SLC30A7: variants seen among roughly 807,000 people sequenced by gnomAD.
SLC30A7 encodes the protein zinc transporter 7.
Under a neutral mutation model 46.0 loss-of-function variants are expected in SLC30A7, and 35 were observed. That is an observed-to-expected ratio of 0.76 (90% confidence interval 0.58 to 1.01). The LOEUF is 1.01. Among genes scored for constraint, SLC30A7 ranks in the 50% least tolerant of loss-of-function variants. SLC30A7 has a pLI of 0.00. For synonymous variants in SLC30A7, 147 were observed against 157.8 expected, an observed-to-expected ratio of 0.93 and a Z score of 0.51; for missense variants, 464 against 451.1, an observed-to-expected ratio of 1.03 and a Z score of -0.26.
chr1:100,912,206 A>G lies in SLC30A7; in HGVS notation c.479A>G (p.Lys160Arg). The G allele has an allele frequency of 6.2e-7, 1 of 1,614,066 alleles. No homozygotes were observed. Among genetic ancestry groups the G allele is most frequent in the Non-Finnish European group, 8.5e-7 (1 of 1,179,936 alleles). Residue 160 changes from lysine (K) to arginine (R), a missense_variant, in exon 5 of 11, where the codon AAA (lysine) becomes AGA (arginine). By Grantham distance (26) the Lys-to-Arg change is conservative (BLOSUM62 2). Transcript: ENST00000357650. Reference protein sequence around the residue: ...VVNLIGIFVFKHGGHGHSHGS... With the variant: ...VVNLIGIFVFRHGGHGHSHGS... ...AACCTAATAGGAATATTTGTTTTCA[A>G]ACATGGAGGTCATGGACATTCTCAT...
chr1:100,901,007 A>AG (rs1163698566), intron 2 of SLC30A7, among the ~76,000 whole-genome samples: 8 of 152,186 alleles, frequency 5.3e-5, no homozygotes, highest in Non-Finnish European at 1.2e-4. Flanking sequence ...ATCTTATTTC[A>AG]TCTGTTGTCC....
At chr1:100,982,826 T>A (rs1657026831), downstream of SLC30A7, among the ~76,000 whole-genome samples, 1 of 152,174 alleles carries the variant, frequency 6.6e-6, no homozygotes, top group South Asian at 2.1e-4. Context: ...AGCTGGCCCC[T>A]CTGCATACCT....
intron 8 of SLC30A7, chr1:100,941,831 G>T (rs1192050646): frequency 7.7e-6 from 4 of 522,236 alleles, no homozygotes; most frequent in Non-Finnish European, 1.5e-5. Context: ...GGCCCCTGGA[G>T]TGCCTGGTGT....
chr1:100,909,840 C>G (rs530234019), intron 3 of SLC30A7, among the ~76,000 whole-genome samples: 2 of 151,984 alleles, frequency 1.3e-5, no homozygotes, highest in Admixed American at 1.3e-4. Flanking sequence ...TATGGGACTA[C>G]AAGGGTAGAT....
At chr1:100,948,335 A>G (rs1256357503) in intron 8 of SLC30A7, among the ~76,000 whole-genome samples, 1 of 152,204 alleles carries the variant, frequency 6.6e-6, no homozygotes, top group African/African-American at 2.4e-5. Flanking sequence ...TTCTGGGTTG[A>G]AAATTCTTTT....
chr1:100,902,882 A>G (rs1377039414), intron 2 of SLC30A7, among the ~76,000 whole-genome samples: 2 of 152,180 alleles, frequency 1.3e-5, no homozygotes, highest in Admixed American at 1.3e-4. Context: ...GGACTTCAAC[A>G]TATGAATTTG....
chr1:100,949,665 C>G (rs1654851177), intron 8 of SLC30A7, among the ~76,000 whole-genome samples: 1 of 152,094 alleles, frequency 6.6e-6, no homozygotes, highest in Non-Finnish European at 1.5e-5. Flanking sequence ...GCGGTGGGCC[C>G]CTCCCAGTTT....
intron 8 of SLC30A7, among the ~76,000 whole-genome samples, chr1:100,951,260 C>G (rs1018581552): frequency 6.6e-6 from 1 of 152,022 alleles, no homozygotes; most frequent in Non-Finnish European, 1.5e-5. Flanking sequence ...ACCCCTTTGT[C>G]TACTACAAAG....
intron 8 of SLC30A7, among the ~76,000 whole-genome samples, chr1:100,936,814 A>G (rs558325184): frequency 3.9e-5 from 6 of 152,356 alleles, no homozygotes; most frequent in Admixed American, 6.5e-5. Context: ...TGTGAAATAT[A>G]TAAGTGGTAC....
intron 4 of SLC30A7, 87 bp downstream of exon 4, chr1:100,911,237 A>G: frequency 2.3e-6 from 2 of 872,796 alleles, no homozygotes; most frequent in Non-Finnish European, 3.5e-6. Flanking sequence ...GTTTTTTTCA[A>G]CTATTATTAA....
At position 100,913,632 on chromosome 1, in the gene SLC30A7, A is replaced by C. The variant is rs199957762; in HGVS notation, c.512-31A>C. ...AACCATTTATATAATATATTTTTACATACCTTCTGTCCTAACACTTTGTTT... is the reference window on the plus strand; with the variant it reads ...AACCATTTATATAATATATTTTTACCTACCTTCTGTCCTAACACTTTGTTT... On this transcript the variant is annotated intron_variant, in intron 5 of 10. Transcript: ENST00000357650. 6.8e-4 allele frequency: 1,036 copies of C among 1,531,198 alleles called. 17 individuals carry two copies. Among genetic ancestry groups the C allele is most frequent in the Middle Eastern group, 1.7e-4 (1 of 5,880 alleles). The allele number at this position is 1,531,198 out of a possible 1,614,324, so 94.9% of individuals were successfully genotyped here.
At chr1:100,942,283 A>G (rs1318632850) in intron 8 of SLC30A7, among the ~76,000 whole-genome samples, 2 of 152,240 alleles carry the variant, frequency 1.3e-5, no homozygotes, top group African/African-American at 2.4e-5. Flanking sequence ...TTAAATATGC[A>G]TATACCTTTA....
chr1:100,915,644 G>A (rs747605083), intron 6 of SLC30A7, among the ~76,000 whole-genome samples: 1 of 152,154 alleles, frequency 6.6e-6, no homozygotes, highest in Non-Finnish European at 1.5e-5. Context: ...ATATTCCGTT[G>A]TATGTATATA....
At chr1:100,990,637 A>T in the SLC30A7 span, 22 of 1,380,532 alleles carry the variant, frequency 1.6e-5, no homozygotes, top group South Asian at 1.3e-5. Context: ...AACTGCTATT[A>T]AAAAAAAAAG....
chr1:100,972,883 G>A (rs1323692064), intron 10 of SLC30A7, among the ~76,000 whole-genome samples: 1 of 151,980 alleles, frequency 6.6e-6, no homozygotes, highest in Non-Finnish European at 1.5e-5. Flanking sequence ...TAGGGCTGGT[G>A]TTTATCAATG....
At chr1:100,908,597 T>C (rs139761786) in intron 3 of SLC30A7, among the ~76,000 whole-genome samples, 17 of 152,304 alleles carry the variant, frequency 1.1e-4, no homozygotes, top group African/African-American at 3.8e-4. Flanking sequence ...AGATCCTATA[T>C]ATCTATAAAT....
intron 5 of SLC30A7, among the ~76,000 whole-genome samples, chr1:100,912,520 A>G (rs1007558390): frequency 2.6e-4 from 39 of 152,056 alleles, no homozygotes; most frequent in African/African-American, 8.0e-4. Flanking sequence ...AAACAAATCT[A>G]CTTATCAGAA....
intron 8 of SLC30A7, among the ~76,000 whole-genome samples, chr1:100,932,985 T>C (rs531179475): frequency 7.3e-5 from 11 of 150,836 alleles, no homozygotes; most frequent in South Asian, 4.2e-4. Context: ...TTTCTTTTTT[T>C]TTTTTTTTTG....
chr1:100,910,878 G>A (rs766565243), intron 3 of SLC30A7, among the ~76,000 whole-genome samples, 185 bp from the exon 4 acceptor site: 1 of 152,044 alleles, frequency 6.6e-6, no homozygotes, highest in African/African-American at 2.4e-5. Context: ...TGAACAATTC[G>A]TACTAATTCG....
Sources: allele counts gnomAD v4.1 joint callset (sites outside exome capture counted in the v4.1 genomes callset), GRCh38; gene constraint gnomAD v4.1.1; transcripts MANE v1.5; gene names NCBI Gene and HGNC (gene_info 2026-07-23, HGNC 2026-07-21).